The following PARD3 variants were observed in gnomAD, a reference collection of about 807,000 sequenced individuals.
PARD3 encodes partitioning defective 3 homolog.
Under a neutral mutation model 155.4 loss-of-function variants are expected in PARD3, and 75 were observed. That is an observed-to-expected ratio of 0.48 (90% CI 0.40 to 0.58). The LOEUF (loss-of-function observed/expected upper bound fraction) is 0.58. PARD3 is among the 20% of genes least tolerant of loss of function. PARD3 has a pLI of 0.00. For missense variants in PARD3, 1,642 were observed against 1,721.7 expected, an observed-to-expected ratio of 0.95 and a Z score of 0.82; for synonymous variants, 576 against 610.5, an observed-to-expected ratio of 0.94 and a Z score of 0.83.
At chr10:34,499,807 T>C (rs1589791910) in intron 3 of PARD3, among the ~76,000 whole-genome samples, 1 of 152,214 alleles carries the variant, frequency 6.6e-6, no homozygotes, top group African/African-American at 2.4e-5. Context: ...TCAGTGTCTG[T>C]GGGAGATTGG....
intron 1 of PARD3, among the ~76,000 whole-genome samples, chr10:34,794,755 CTTAAGT>C (rs1250931967): frequency 6.6e-6 from 1 of 152,202 alleles, no homozygotes; most frequent in Non-Finnish European, 1.5e-5. Context: ...CAAACTACTT[CTTAAGT>C]TTGTCAGCTT....
chr10:34,215,469 CAT>C (rs1486300322), intron 22 of PARD3, among the ~76,000 whole-genome samples: 5 of 152,182 alleles, frequency 3.3e-5, no homozygotes, highest in Admixed American at 6.5e-5. Context: ...ATTCATAGCA[CAT>C]ATGTTTCACA....
At position 34,590,747 on chromosome 10, in the gene PARD3, G is replaced by A. The variant is rs78387313; in HGVS notation, c.223-73588C>T. Among the ~76,000 whole-genome samples, 35 of 152,230 alleles carry A rather than the reference G, an allele frequency of 2.3e-4. No individual in the cohort carries two copies. In the East Asian group the frequency reaches 6.2e-3, roughly 27 times the overall value. On this transcript the variant is annotated intron_variant, in intron 2 of 24. Transcript: ENST00000374788. ...GAAATGGTTCCTAAAAGAAGAACTG[G>A]AAGTGGGCACACCCAGAGTCTAGAT... is the stretch of plus-strand genomic sequence containing the variant.
chr10:34,631,449 C>T (rs1187378739), intron 2 of PARD3, among the ~76,000 whole-genome samples: 1 of 152,154 alleles, frequency 6.6e-6, no homozygotes, highest in Non-Finnish European at 1.5e-5. Context: ...ATGAGAGCCT[C>T]GTTTCTCATT....
At chr10:34,473,465 T>C (rs73261483) in intron 3 of PARD3, among the ~76,000 whole-genome samples, 11,429 of 151,874 alleles carry the variant, frequency 0.075, 1,316 homozygotes, top group African/African-American at 0.25. Flanking sequence ...AGTGGGAGAA[T>C]TGCTTGAGGT....
rs182414331 is a variant in PARD3, at chr10:34,745,539, G to A, written c.121-49120C>T. On this transcript the variant is annotated intron_variant, in intron 1 of 24. Coordinates refer to ENST00000374788, the MANE Select transcript of PARD3 (RefSeq NM_001184785.2). ...CTGGGGTGTCGACTGTTGGAGGAAA[G>A]GCTAGGATAAGAATCTAAGCCTCCC... Among the ~76,000 whole-genome samples the A allele has an allele frequency of 8.5e-4, 129 of 152,244 alleles. 4 individuals carry two copies. In the East Asian group the frequency reaches 0.022, roughly 26 times the overall value.
At chr10:34,335,145 G>T (rs1836026570) in intron 18 of PARD3, among the ~76,000 whole-genome samples, 1 of 151,776 alleles carries the variant, frequency 6.6e-6, no homozygotes, top group African/African-American at 2.4e-5. Context: ...GGTTTCATAA[G>T]AACAACAAAC....
intron 2 of PARD3, among the ~76,000 whole-genome samples, chr10:34,528,073 C>T (rs2082598714): frequency 1.3e-5 from 2 of 152,128 alleles, no homozygotes; most frequent in Admixed American, 1.3e-4. Flanking sequence ...TTTTAAAAAA[C>T]TGAACACAGA....
At chr10:34,788,450 C>CT (rs568326379) in intron 1 of PARD3, among the ~76,000 whole-genome samples, 49,465 of 142,262 alleles carry the variant, frequency 0.35, 9,719 homozygotes, top group African/African-American at 0.54. Flanking sequence ...AGGTCCAGTT[C>CT]TTTTTTTTTT....
chr10:34,563,761 C>T (rs1341467095), intron 2 of PARD3, among the ~76,000 whole-genome samples: 1 of 152,088 alleles, frequency 6.6e-6, no homozygotes, highest in African/African-American at 2.4e-5. Context: ...GATCTCTTGA[C>T]CTCGTGATCC....
chr10:34,482,227 G>T (rs137896146), intron 3 of PARD3, among the ~76,000 whole-genome samples: 200 of 151,772 alleles, frequency 1.3e-3, no homozygotes, highest in Middle Eastern at 3.4e-3. Flanking sequence ...TAGAGACAGG[G>T]TCTCACTTCG....
intron 1 of PARD3, among the ~76,000 whole-genome samples, chr10:34,755,146 G>C (rs1297825421): frequency 6.6e-6 from 1 of 151,332 alleles, no homozygotes; most frequent in Non-Finnish European, 1.5e-5. Flanking sequence ...TCATGCCTGT[G>C]ATCCCAGCAT....
chr10:34,590,757 C>A (rs2088605695), intron 2 of PARD3, among the ~76,000 whole-genome samples: 1 of 152,158 alleles, frequency 6.6e-6, no homozygotes, highest in African/African-American at 2.4e-5. Context: ...GAAGTGGGCA[C>A]ACCCAGAGTC....
intron 5 of PARD3, among the ~76,000 whole-genome samples, chr10:34,425,512 C>A (rs1344291312): frequency 1.3e-5 from 2 of 152,142 alleles, no homozygotes; most frequent in African/African-American, 4.8e-5. Context: ...CCTCTCACTT[C>A]AGCCTTCCTA....
intron 2 of PARD3, among the ~76,000 whole-genome samples, chr10:34,602,835 C>T (rs1385376132): frequency 6.6e-6 from 1 of 152,174 alleles, no homozygotes; most frequent in Non-Finnish European, 1.5e-5. Flanking sequence ...CAAGCCTTCA[C>T]TATATATCCT....
chr10:34,408,863 A>G (rs1844763370), intron 5 of PARD3, among the ~76,000 whole-genome samples: 1 of 151,750 alleles, frequency 6.6e-6, no homozygotes, highest in South Asian at 2.1e-4. Context: ...AATATATAGC[A>G]AAAATAAGAT....
chr10:34,483,496 AAAAG>A (rs1409962769), intron 3 of PARD3, among the ~76,000 whole-genome samples: 91 of 142,470 alleles, frequency 6.4e-4, no homozygotes, highest in Non-Finnish European at 1.1e-3. Context: ...AAAAAAAAAA[AAAAG>A]AGAGAGAAAA....
intron 2 of PARD3, among the ~76,000 whole-genome samples, chr10:34,666,797 A>AAAAAAATATATATG (rs71033331): frequency 1.1e-4 from 7 of 65,104 alleles, no homozygotes; most frequent in African/African-American, 4.6e-4. Context: ...AAAAAAAAAA[A>AAAAAAATATATATG]TATATATATA....
chr10:34,571,327 C>T (rs1000923776), intron 2 of PARD3, among the ~76,000 whole-genome samples: 4 of 151,394 alleles, frequency 2.6e-5, no homozygotes, highest in Non-Finnish European at 5.9e-5. Flanking sequence ...AACAACAAGA[C>T]AAAACAAAAA....
Sources: allele counts gnomAD v4.1 joint callset (sites outside exome capture counted in the v4.1 genomes callset), GRCh38; gene constraint gnomAD v4.1.1; transcripts MANE v1.5; gene names NCBI Gene and HGNC (gene_info 2026-07-23, HGNC 2026-07-21).